TBC1D16: variants seen among roughly 807,000 people sequenced by gnomAD.
TBC1D16 encodes TBC1 domain family member 16.
TBC1D16 carries 58 observed loss-of-function variants against 74.7 expected under a neutral mutation model. That is an observed-to-expected ratio of 0.78 (90% CI 0.63 to 0.97). TBC1D16 has a LOEUF of 0.97. TBC1D16 is among the 50% of genes least tolerant of loss of function. The pLI is 0.00. For synonymous variants in TBC1D16, 493 were observed against 474.7 expected (o/e 1.04, Z -0.50); for missense variants, 1,014 against 1,079.5 (o/e 0.94, Z 0.85).
Position 79,971,078 on chromosome 17 carries a change from A to C in TBC1D16, c.780-18260T>G, listed in dbSNP as rs1314991164. ...GTCTCCATTGCCCAGGCTGGAGTGC[A>C]GTGGCGCTATCTCGGCTCACTGCAA... On this transcript the variant is annotated intron_variant, in intron 3 of 11. Transcript: ENST00000310924. The surrounding 1 kb of genome is among the most constrained non-coding windows in gnomAD (Gnocchi z 4.6). Among the ~76,000 whole-genome samples, 1 of 151,212 alleles carries C rather than the reference A, an allele frequency of 6.6e-6. No homozygotes were observed. Among genetic ancestry groups the C allele is most frequent in the Non-Finnish European group, 1.5e-5 (1 of 67,932 alleles).
chr17:79,945,795 C>G (rs1013669079), intron 9 of TBC1D16, among the ~76,000 whole-genome samples: 1 of 152,262 alleles, frequency 6.6e-6, no homozygotes, highest in Non-Finnish European at 1.5e-5. Flanking sequence ...CACACACACC[C>G]GTTGATGCAG....
rs536902994 is a variant in TBC1D16, at chr17:80,010,351, G to A, written c.588C>T (p.Thr196=). 6.5e-5 allele frequency: 105 copies of A among 1,612,028 alleles called. 4 individuals carry two copies. In the South Asian group the frequency reaches 1.0e-3, roughly 16 times the overall value. The change falls in exon 3 of 12, where the codon ACC becomes ACT. Residue 196 remains threonine, a synonymous_variant. Transcript: ENST00000310924. This position sits in a 1 kb window ranked among gnomAD's most constrained non-coding sequence, Gnocchi z 8.8. ...CGGGCCGCGGCTCCCGCCCCTCCTC[G>A]GTGACATCCTGCGGACTGACCGTCG... The part of the protein sequence containing the change: ...ILSTVSPQDV[T]EEGREPRPEA...
At chr17:79,969,739 C>T (rs555975242) in intron 3 of TBC1D16, among the ~76,000 whole-genome samples, 14 of 151,946 alleles carry the variant, frequency 9.2e-5, no homozygotes, top group South Asian at 4.2e-4. Flanking sequence ...GTCAGGAGTT[C>T]GAGACCAGCC....
At position 79,971,685 on chromosome 17, in the gene TBC1D16, C is replaced by A. The variant is rs577853576; in HGVS notation, c.780-18867G>T. On this transcript the variant is annotated intron_variant, in intron 3 of 11. Coordinates refer to ENST00000310924, the MANE Select transcript of TBC1D16 (RefSeq NM_019020.4). The surrounding 1 kb of genome is among the most constrained non-coding windows in gnomAD (Gnocchi z 4.6). Reference sequence around the variant, plus strand: ...CTTCTCTACAACAGTCAACTTCTCTCAAGGAAGACCTGAGGAAGCTGGTGC... The same window carrying A: ...CTTCTCTACAACAGTCAACTTCTCTAAAGGAAGACCTGAGGAAGCTGGTGC... Among the ~76,000 whole-genome samples, 2 of 152,310 alleles carry A rather than the reference C, an allele frequency of 1.3e-5. No homozygotes were observed. The highest frequency in any genetic ancestry group is 3.9e-4 in the East Asian group (2 of 5,182).
At chr17:80,030,051 C>T (rs965476612) in intron 1 of TBC1D16, among the ~76,000 whole-genome samples, 2 of 152,060 alleles carry the variant, frequency 1.3e-5, no homozygotes, top group African/African-American at 4.8e-5. Flanking sequence ...TGCATCAGGC[C>T]CACTCATATA....
chr17:79,959,827 C>CA (rs764575326), intron 3 of TBC1D16, among the ~76,000 whole-genome samples: 7 of 150,810 alleles, frequency 4.6e-5, no homozygotes, highest in Non-Finnish European at 8.9e-5. Context: ...AGATAGAACA[C>CA]AAAAAATACA....
At chr17:80,016,251 A>AG (rs1454889287) in intron 1 of TBC1D16, among the ~76,000 whole-genome samples, 1 of 148,046 alleles carries the variant, frequency 6.8e-6, no homozygotes, top group East Asian at 2.1e-4. Context: ...GGTGGGTGCC[A>AG]GGGGGTGAGG....
In TBC1D16 at chr17:79,981,477, C is replaced by T. The variant is rs1410517525; in HGVS notation, c.780-28659G>A. On this transcript the variant is annotated intron_variant, in intron 3 of 11. Transcript: ENST00000310924. This position sits in a 1 kb window ranked among gnomAD's most constrained non-coding sequence, Gnocchi z 6.9. Reference sequence around the variant, plus strand: ...AAGCCAGGGAAGCTCTGGGTGCCCCCGACAAGTTTAACCCCTTCCTTCTTT... The same window carrying T: ...AAGCCAGGGAAGCTCTGGGTGCCCCTGACAAGTTTAACCCCTTCCTTCTTT... 1.3e-5 allele frequency among the ~76,000 whole-genome samples: 2 copies of T among 152,188 alleles called. No individual in the cohort carries two copies. The highest frequency in any genetic ancestry group is 4.8e-5 in the African/African-American group (2 of 41,444).
In TBC1D16 at chr17:79,981,963, T is replaced by C. The variant is rs571647214; in HGVS notation, c.779+28197A>G. ...CACATGTATTAAAGCAAAAGTGAGA[T>C]TGTGCTGTCAACATTGTGTTACGCC... is the stretch of plus-strand genomic sequence containing the variant. On this transcript the variant is annotated intron_variant, in intron 3 of 11. Coordinates refer to ENST00000310924, the MANE Select transcript of TBC1D16 (RefSeq NM_019020.4). The surrounding 1 kb of genome is among the most constrained non-coding windows in gnomAD (Gnocchi z 6.9). 1.4e-4 allele frequency among the ~76,000 whole-genome samples: 21 copies of C among 152,300 alleles called. No individual in the cohort carries two copies. The highest frequency in any genetic ancestry group is 4.3e-4 in the African/African-American group (18 of 41,560).
intron 3 of TBC1D16, among the ~76,000 whole-genome samples, chr17:79,957,839 C>A: frequency 1.5e-5 from 2 of 135,828 alleles, no homozygotes; most frequent in Admixed American, 7.6e-5. Flanking sequence ...AAAACAGCTT[C>A]AAAAAATAAC....
intron 1 of TBC1D16, among the ~76,000 whole-genome samples, chr17:80,017,362 C>A (rs560500659): frequency 6.6e-6 from 1 of 152,230 alleles, no homozygotes; most frequent in South Asian, 2.1e-4. Context: ...AAAAAGAATT[C>A]TTTCCATTTT....
In TBC1D16 at chr17:79,956,798, G is replaced by A. The variant is rs1421280783; in HGVS notation, c.780-3980C>T. Among the ~76,000 whole-genome samples, 2 of 152,196 alleles carry A rather than the reference G, an allele frequency of 1.3e-5. No individual in the cohort carries two copies. The highest frequency in any genetic ancestry group is 2.1e-4 in the South Asian group (1 of 4,820). ...CCTTTTAAGTTTGCTGAAAAAAGTC[G>A]ATGAGAACCCAGCTGTAGGTCCCAA... On this transcript the variant is annotated intron_variant, in intron 3 of 11. Transcript: ENST00000310924. The surrounding 1 kb of genome is among the most constrained non-coding windows in gnomAD (Gnocchi z 4.0).
At chr17:79,948,771 G>GC in intron 8 of TBC1D16, 101 bp downstream of exon 8, 1 of 1,456,326 alleles carries the variant, frequency 6.9e-7, no homozygotes, top group Non-Finnish European at 9.6e-7. Flanking sequence ...CTGGAAGAGA[G>GC]CCCCTGCAGA....
rs2035189138 is a variant in TBC1D16 at position 79,994,369 on chromosome 17, G to C, written c.779+15791C>G. On this transcript the variant is annotated intron_variant, in intron 3 of 11. Coordinates refer to ENST00000310924, the MANE Select transcript of TBC1D16 (RefSeq NM_019020.4). This position sits in a 1 kb window ranked among gnomAD's most constrained non-coding sequence, Gnocchi z 4.6. ...GGCTGCCCAACCATCAAGGACAAAG[G>C]AAGAGGGAGTCCATGAAGAAGGGCT... Among the ~76,000 whole-genome samples the C allele has an allele frequency of 6.6e-6, 1 of 152,154 alleles. No individual in the cohort carries two copies. The highest frequency in any genetic ancestry group is 2.4e-5 in the African/African-American group (1 of 41,416).
At position 79,988,166 on chromosome 17, in the gene TBC1D16, C is replaced by T. The variant is rs962164163; in HGVS notation, c.779+21994G>A. ...GTCCTGCCAGAAGCCGTTTTATTTA[C>T]TAGTTTGGATGCTTCCCCTGACGCC... On this transcript the variant is annotated intron_variant, in intron 3 of 11. Transcript: ENST00000310924. The surrounding 1 kb of genome is among the most constrained non-coding windows in gnomAD (Gnocchi z 5.7). Among the ~76,000 whole-genome samples, 1 of 152,204 alleles carries T rather than the reference C, an allele frequency of 6.6e-6. No homozygotes were observed. Among genetic ancestry groups the T allele is most frequent in the Admixed American group, 6.5e-5 (1 of 15,286 alleles).
chr17:79,948,710 C>T (rs755633469), intron 8 of TBC1D16, among the ~76,000 whole-genome samples, 162 bp downstream of exon 8: 5 of 152,124 alleles, frequency 3.3e-5, no homozygotes, highest in East Asian at 3.9e-4. Flanking sequence ...TGCCAACTGA[C>T]GTAGCTCATG....
chr17:79,951,314 A>G lies in TBC1D16; in HGVS notation c.1089+136T>C, dbSNP rs1302806292. ...ACCCAAAGTTGCTGCTCTGACGGCCAAAAACTACCGTGGGTCACACCCCGT... is the reference window on the plus strand; with the variant it reads ...ACCCAAAGTTGCTGCTCTGACGGCCGAAAACTACCGTGGGTCACACCCCGT... On this transcript the variant is annotated intron_variant, in intron 5 of 11. Coordinates refer to ENST00000310924, the MANE Select transcript of TBC1D16 (RefSeq NM_019020.4). 6.2e-6 allele frequency: 7 copies of G among 1,121,246 alleles called. No homozygotes were observed. The East Asian group carries it at 1.7e-4, about 28-fold the overall frequency. The allele number at this position is 1,121,246 out of a possible 1,614,324, so 69.5% of individuals were successfully genotyped here.
rs1041875991 is a variant in TBC1D16 at position 79,988,262 on chromosome 17, T to C, written c.779+21898A>G. Among the ~76,000 whole-genome samples, 3 of 152,178 alleles carry C rather than the reference T, an allele frequency of 2.0e-5. No homozygotes were observed. The highest frequency in any genetic ancestry group is 6.5e-5 in the Admixed American group (1 of 15,284). On this transcript the variant is annotated intron_variant, in intron 3 of 11. Transcript: ENST00000310924. The surrounding 1 kb of genome is among the most constrained non-coding windows in gnomAD (Gnocchi z 5.7). Reference sequence around the variant, plus strand: ...TCGGCAAGTGGGCGTCCGCCGAGCCTTTGATGCACTCTCCAAAGTCACAGA... The same window carrying C: ...TCGGCAAGTGGGCGTCCGCCGAGCCCTTGATGCACTCTCCAAAGTCACAGA...
intron 1 of TBC1D16, among the ~76,000 whole-genome samples, chr17:80,028,535 GAA>G (rs1289894784): frequency 6.2e-5 from 9 of 144,388 alleles, no homozygotes; most frequent in African/African-American, 2.4e-4. Context: ...TCTCAAAAAA[GAA>G]AAAGAAAAAA....
Sources: allele counts gnomAD v4.1 joint callset (sites outside exome capture counted in the v4.1 genomes callset), GRCh38; gene constraint gnomAD v4.1.1; non-coding constraint Gnocchi (gnomAD v3.1); transcripts MANE v1.5; gene names NCBI Gene and HGNC (gene_info 2026-07-23, HGNC 2026-07-21).